Variants in TNRC6A observed in about 807,000 individuals in gnomAD.
TNRC6A encodes the protein trinucleotide repeat containing adaptor 6A.
Under a neutral mutation model 221.2 loss-of-function variants are expected in TNRC6A, and 44 were observed. The ratio of observed to expected loss-of-function variants is 0.20; its 90% CI spans 0.16 to 0.26. The LOEUF (loss-of-function observed/expected upper bound fraction) is 0.26. TNRC6A is among the 10% of genes least tolerant of loss of function. The pLI, the probability that TNRC6A is intolerant of heterozygous loss-of-function variation, is 1.00. For missense variants in TNRC6A, 2,199 were observed against 2,404.4 expected, an observed-to-expected ratio of 0.91 and a Z score of 1.79; for synonymous variants, 847 against 838.5, an observed-to-expected ratio of 1.01 and a Z score of -0.18.
intron 23 of TNRC6A, 104 bp downstream of exon 23, chr16:24,822,251 C>T (rs573472614): frequency 3.0e-5 from 34 of 1,124,044 alleles, no homozygotes; most frequent in Middle Eastern, 2.8e-4. Context: ...GTAGTGAAGC[C>T]GAGCAGAGGA....
intron 18 of TNRC6A, among the ~76,000 whole-genome samples, chr16:24,812,791 G>A (rs2058573569): frequency 6.6e-6 from 1 of 150,592 alleles, no homozygotes; most frequent in Non-Finnish European, 1.5e-5. Flanking sequence ...TGACACGTGA[G>A]TGCAATTAGC....
chr16:24,719,453 A>G (rs1011283820), intron 2 of TNRC6A, among the ~76,000 whole-genome samples: 2 of 152,122 alleles, frequency 1.3e-5, no homozygotes, highest in Admixed American at 1.3e-4. Context: ...TGAGGTCAGG[A>G]GTTCAAGACC....
rs751157814 is a variant in TNRC6A at position 24,790,110 on chromosome 16, C to T, written c.1468C>T (p.His490Tyr). The change falls in exon 6 of 25, where the codon CAT (histidine) becomes TAT (tyrosine). Residue 490 changes from histidine to tyrosine, a missense_variant. Coordinates refer to ENST00000395799, the MANE Select transcript of TNRC6A (RefSeq NM_014494.4). ...TGAWRVSTMN[H>Y]PQMQAPSGMN... Reference sequence around the variant, plus strand: ...GGCCTGGCGTGTGAGCACAATGAATCATCCTCAGATGCAGGCTCCATCAGG... The same window carrying T: ...GGCCTGGCGTGTGAGCACAATGAATTATCCTCAGATGCAGGCTCCATCAGG... 6.2e-7 allele frequency: 1 copy of T among 1,614,180 alleles called. No homozygotes were observed. Among genetic ancestry groups the T allele is most frequent in the East Asian group, 2.2e-5 (1 of 44,888 alleles).
intron 1 of TNRC6A, among the ~76,000 whole-genome samples, chr16:24,628,477 C>T (rs915163160): frequency 2.0e-5 from 3 of 152,016 alleles, no homozygotes; most frequent in Admixed American, 2.0e-4. Flanking sequence ...TCTTCTGTCT[C>T]CCTTTCTACC....
At chr16:24,807,465 T>C (rs931624321) in intron 17 of TNRC6A, among the ~76,000 whole-genome samples, 2 of 152,214 alleles carry the variant, frequency 1.3e-5, no homozygotes, top group African/African-American at 4.8e-5. Flanking sequence ...CACCAGAGAA[T>C]TTTTGAGCAG....
intron 4 of TNRC6A, among the ~76,000 whole-genome samples, chr16:24,760,049 T>C (rs1268164498): frequency 6.6e-6 from 1 of 152,196 alleles, no homozygotes; most frequent in Non-Finnish European, 1.5e-5. Context: ...AAGGCCCTCA[T>C]TAATCTAACC....
At chr16:24,744,005 T>G (rs2056949145) in intron 2 of TNRC6A, among the ~76,000 whole-genome samples, 1 of 152,232 alleles carries the variant, frequency 6.6e-6, no homozygotes, top group Admixed American at 6.5e-5. Flanking sequence ...GCATTTAGTT[T>G]TCATGTTTGT....
intron 5 of TNRC6A, among the ~76,000 whole-genome samples, chr16:24,785,354 A>G (rs1184772408): frequency 6.6e-6 from 1 of 152,240 alleles, no homozygotes; most frequent in Admixed American, 6.5e-5. Context: ...TTACACCTTC[A>G]TATCCAGGAA....
Position 24,791,537 on chromosome 16 carries a change from T to G in TNRC6A, c.2895T>G (p.Pro965=). The G allele has an allele frequency of 1.3e-6, 2 of 1,542,446 alleles. No individual in the cohort carries two copies. Among genetic ancestry groups the G allele is most frequent in the Non-Finnish European group, 1.7e-6 (2 of 1,149,400 alleles). The stretch of plus-strand genomic sequence containing the variant: ...GAATCCCACCAGCTACAGGCAAACC[T>G]CCTGGTACAGGCTGGCTGGGGGGAC... The part of the protein sequence containing the change: ...SWGIPPATGK[P]PGTGWLGGPI... Residue 965 remains proline (P), a synonymous_variant, in exon 6 of 25, where the codon CCT becomes CCG. Coordinates refer to ENST00000395799, the MANE Select transcript of TNRC6A (RefSeq NM_014494.4).
At chr16:24,806,113 C>T (rs979695375) in intron 15 of TNRC6A, 93 bp from the exon 16 acceptor site, 70 of 1,398,764 alleles carry the variant, frequency 5.0e-5, no homozygotes, top group Non-Finnish European at 6.3e-5. Context: ...TAGATCACGT[C>T]GTGCCTCTGT....
Position 24,777,653 on chromosome 16 carries a change from C to G in TNRC6A, c.589+295C>G, listed in dbSNP as rs144685175. On this transcript the variant is annotated intron_variant, in intron 5 of 24. Coordinates refer to ENST00000395799, the MANE Select transcript of TNRC6A (RefSeq NM_014494.4). The stretch of plus-strand genomic sequence containing the variant: ...GTAGCTAAAATTGAGCACCCTTCCC[C>G]CCAGGCCATGTGCTGAGCAGTTATA... Among the ~76,000 whole-genome samples, 60 of 152,274 alleles carry G rather than the reference C, an allele frequency of 3.9e-4. No individual in the cohort carries two copies. The East Asian group carries it at 0.011, about 29-fold the overall frequency.
intron 22 of TNRC6A, among the ~76,000 whole-genome samples, chr16:24,820,802 C>T (rs1055419877): frequency 3.3e-5 from 5 of 152,298 alleles, no homozygotes; most frequent in Admixed American, 2.0e-4. Flanking sequence ...AGCCAGAAGG[C>T]CCCGGCAGTC....
chr16:24,728,125 T>C (rs946122039), upstream of TNRC6A, among the ~76,000 whole-genome samples: 3 of 152,160 alleles, frequency 2.0e-5, no homozygotes, highest in Non-Finnish European at 4.4e-5. Flanking sequence ...GTTTTGTTTG[T>C]TTTTAACGGG....
chr16:24,668,599 C>T (rs1341392180), intron 2 of TNRC6A, among the ~76,000 whole-genome samples: 4 of 152,160 alleles, frequency 2.6e-5, no homozygotes, highest in Non-Finnish European at 4.4e-5. Flanking sequence ...TTCCACCTGG[C>T]ATTGGCCACC....
chr16:24,706,976 TATTTTTATTTATG>T (rs2056106516), intron 2 of TNRC6A, among the ~76,000 whole-genome samples: 1 of 123,248 alleles, frequency 8.1e-6, no homozygotes. Context: ...TTTATTTATC[TATTTTTATTTATG>T]TATTTATTTA....
chr16:24,800,458 C>T (rs1187317976), intron 11 of TNRC6A, among the ~76,000 whole-genome samples: 1 of 152,190 alleles, frequency 6.6e-6, no homozygotes, highest in Admixed American at 6.5e-5. Flanking sequence ...ATTTCCTCTG[C>T]TGTGACATGA....
rs185492762 is a variant in TNRC6A, at chr16:24,766,737, C to T, written c.163+8377C>T. On this transcript the variant is annotated intron_variant, in intron 4 of 24. Coordinates refer to ENST00000395799, the MANE Select transcript of TNRC6A (RefSeq NM_014494.4). ...TGTCGCCCACGCTGGAGTGCAATGGCGCGATCTCAGCTCACTGCAACCTCC... is the reference window on the plus strand; with the variant it reads ...TGTCGCCCACGCTGGAGTGCAATGGTGCGATCTCAGCTCACTGCAACCTCC... Among the ~76,000 whole-genome samples, 16 of 142,876 alleles carry T rather than the reference C, an allele frequency of 1.1e-4. No individual in the cohort carries two copies. In the East Asian group the frequency reaches 1.4e-3, roughly 13 times the overall value. The allele number at this position is 142,876 out of a possible 152,430, so 93.7% of individuals were successfully genotyped here. A position where few individuals can be genotyped will look rare whatever the true frequency, so the allele number is the denominator to read the frequency against.
intron 2 of TNRC6A, among the ~76,000 whole-genome samples, chr16:24,738,491 T>C (rs2056819966): frequency 6.6e-6 from 1 of 152,180 alleles, no homozygotes; most frequent in South Asian, 2.1e-4. Context: ...CTAATCTACT[T>C]TCTATTATAA....
chr16:24,713,676 T>C (rs1378903513), intron 2 of TNRC6A, among the ~76,000 whole-genome samples: 1 of 151,840 alleles, frequency 6.6e-6, no homozygotes, highest in East Asian at 2.0e-4. Flanking sequence ...AGACAAAGTC[T>C]CACTCTGTCA....
Sources: allele counts gnomAD v4.1 joint callset (sites outside exome capture counted in the v4.1 genomes callset), GRCh38; gene constraint gnomAD v4.1.1; transcripts MANE v1.5; gene names NCBI Gene and HGNC (gene_info 2026-07-23, HGNC 2026-07-21).